Variants in SLC2A9 observed in about 807,000 individuals in gnomAD.
SLC2A9 encodes solute carrier family 2, facilitated glucose transporter member 9.
Under a neutral mutation model 50.6 loss-of-function variants are expected in SLC2A9, and 39 were observed. That is an observed-to-expected ratio of 0.77 (90% CI 0.60 to 1.01). The LOEUF (loss-of-function observed/expected upper bound fraction) is 1.01. Ranked by LOEUF, SLC2A9 falls within the 50% of genes least tolerant of loss-of-function variation. SLC2A9 has a pLI of 0.00. For missense variants in SLC2A9, 686 were observed against 677.6 expected (o/e 1.01, Z -0.14); for synonymous variants, 324 against 276.9 (o/e 1.17, Z -1.69).
At chr4:9,939,391 A>C (rs1362552399) in intron 6 of SLC2A9, among the ~76,000 whole-genome samples, 1 of 152,234 alleles carries the variant, frequency 6.6e-6, no homozygotes, top group Non-Finnish European at 1.5e-5. Context: ...TTATTACAGT[A>C]ATAGTTGACT....
At chr4:9,898,902 G>A (rs565202754) in intron 8 of SLC2A9, among the ~76,000 whole-genome samples, 69 of 152,068 alleles carry the variant, frequency 4.5e-4, no homozygotes, top group Non-Finnish European at 9.0e-4. Context: ...GCCGTACTCC[G>A]TTGAGCAACC....
intron 8 of SLC2A9, among the ~76,000 whole-genome samples, chr4:9,891,266 C>G (rs940063199): frequency 9.9e-5 from 15 of 152,202 alleles, no homozygotes; most frequent in African/African-American, 3.6e-4. Flanking sequence ...CTTCCCTCGG[C>G]CTAGGACTGT....
chr4:9,891,622 A>G (rs1177044011), intron 8 of SLC2A9, among the ~76,000 whole-genome samples: 1 of 152,214 alleles, frequency 6.6e-6, no homozygotes, highest in African/African-American at 2.4e-5. Flanking sequence ...CAAAAAGAGA[A>G]CACGGAGGGT....
intron 10 of SLC2A9, among the ~76,000 whole-genome samples, chr4:9,875,915 G>T (rs912923012): frequency 6.6e-6 from 1 of 152,214 alleles, no homozygotes; most frequent in African/African-American, 2.4e-5. Context: ...AGAGTGTGGG[G>T]TCTGACATGG....
intron 3 of SLC2A9, among the ~76,000 whole-genome samples, chr4:9,814,228 C>T (rs537386391): frequency 6.6e-6 from 1 of 152,192 alleles, no homozygotes; most frequent in South Asian, 2.1e-4. Flanking sequence ...CTCATTCTGG[C>T]TATCAGTGGT....
rs191622025 is a variant in SLC2A9 at position 10,026,798 on chromosome 4, C to T, written c.-40-792G>A. ...GTGGCTCATGCCTGTAATCCCAGCA[C>T]GTGGGGAGGCCGAGGCGGGTGGATC... is the stretch of plus-strand genomic sequence containing the variant. On this transcript the variant is annotated intron_variant, in intron 1 of 12. Transcript: ENST00000309065. 5.2e-3 allele frequency among the ~76,000 whole-genome samples: 798 copies of T among 152,238 alleles called. 7 individuals carry two copies. Among genetic ancestry groups the T allele is most frequent in the Middle Eastern group, 0.02 (6 of 294 alleles).
At chr4:9,833,422 G>T (rs1036234256) in intron 11 of SLC2A9, among the ~76,000 whole-genome samples, 1 of 152,156 alleles carries the variant, frequency 6.6e-6, no homozygotes, top group Non-Finnish European at 1.5e-5. Context: ...GGAGAAACTG[G>T]GTTTGATGCT....
intron 3 of SLC2A9, among the ~76,000 whole-genome samples, chr4:9,820,438 C>T (rs1406804880): frequency 2.6e-5 from 4 of 152,110 alleles, no homozygotes; most frequent in Non-Finnish European, 2.9e-5. Context: ...TTTTGCCATT[C>T]GTATACATTT....
intron 2 of SLC2A9, among the ~76,000 whole-genome samples, chr4:10,012,153 C>T (rs1761871130): frequency 6.6e-6 from 1 of 152,238 alleles, no homozygotes; most frequent in African/African-American, 2.4e-5. Context: ...TGGACCTCCA[C>T]AGAACATTTG....
intron 1 of SLC2A9, chr4:10,034,882 T>C (rs3733584): frequency 0.44 from 66,497 of 152,034 alleles, 16,140 homozygotes; most frequent in South Asian, 0.59. Flanking sequence ...ACACTAGCTC[T>C]GGAGGCCATT....
intron 2 of SLC2A9, among the ~76,000 whole-genome samples, chr4:9,999,706 C>G (rs1261779165): frequency 6.6e-6 from 1 of 152,000 alleles, no homozygotes; most frequent in African/African-American, 2.4e-5. Flanking sequence ...GGATTCTACT[C>G]TAGATGAAGT....
chr4:9,813,957 A>G (rs1454207369), intron 3 of SLC2A9, among the ~76,000 whole-genome samples: 1 of 152,066 alleles, frequency 6.6e-6, no homozygotes, highest in African/African-American at 2.4e-5. Context: ...AAGTAAAAAT[A>G]AAAATAAAAA....
At chr4:10,002,949 C>T (rs76428641) in intron 2 of SLC2A9, among the ~76,000 whole-genome samples, 2 of 152,178 alleles carry the variant, frequency 1.3e-5, no homozygotes, top group African/African-American at 2.4e-5. Flanking sequence ...GCAACCACCC[C>T]CAAGGAGCAC....
chr4:9,918,511 G>C (rs1743321515), intron 7 of SLC2A9, among the ~76,000 whole-genome samples: 1 of 152,218 alleles, frequency 6.6e-6, no homozygotes, highest in African/African-American at 2.4e-5. Context: ...GGGGGACCTT[G>C]GGGCCAGATA....
intron 10 of SLC2A9, among the ~76,000 whole-genome samples, chr4:9,856,720 C>T (rs562557666): frequency 1.1e-4 from 17 of 152,202 alleles, no homozygotes; most frequent in African/African-American, 4.1e-4. Context: ...ACATAAATGC[C>T]CATTAACAGT....
chr4:9,818,225 T>C (rs1396777911), intron 3 of SLC2A9, among the ~76,000 whole-genome samples: 1 of 141,338 alleles, frequency 7.1e-6, no homozygotes, highest in Non-Finnish European at 1.5e-5. Flanking sequence ...CCAACCATTA[T>C]GTCCTCTTAT....
intron 3 of SLC2A9, among the ~76,000 whole-genome samples, chr4:9,991,815 C>T (rs974312942): frequency 2.0e-5 from 3 of 152,192 alleles, no homozygotes; most frequent in Admixed American, 2.0e-4. Context: ...AGGAAAAGAC[C>T]TGCCGACACT....
chr4:9,849,368 C>T (rs1729501350), intron 10 of SLC2A9, among the ~76,000 whole-genome samples: 1 of 152,150 alleles, frequency 6.6e-6, no homozygotes, highest in Non-Finnish European at 1.5e-5. Flanking sequence ...AAGTTCGTGC[C>T]TCTCAGCATT....
intron 11 of SLC2A9, among the ~76,000 whole-genome samples, chr4:9,830,770 C>T (rs748187763): frequency 6.6e-6 from 1 of 152,206 alleles, no homozygotes; most frequent in Non-Finnish European, 1.5e-5. Context: ...TTTTCGCAGG[C>T]TTTATAACAA....
Sources: gnomAD v4.1 joint callset for allele counts (sites outside exome capture counted in the v4.1 genomes callset) on GRCh38, gnomAD v4.1.1 for gene constraint, MANE v1.5 for transcripts, NCBI Gene and HGNC (gene_info 2026-07-23, HGNC 2026-07-21) for gene names.